Variants in IP6K2 observed in about 807,000 individuals in gnomAD.
IP6K2 encodes the protein ATP:1D-myo-inositol-hexakisphosphate phosphotransferase.
IP6K2 carries 9 observed loss-of-function variants against 43.3 expected under a neutral mutation model. The observed-to-expected ratio is 0.21, with a 90% CI of 0.13 to 0.36. IP6K2 has a LOEUF of 0.36. IP6K2 is among the 10% of genes least tolerant of loss of function. IP6K2 has a pLI of 1.00. For synonymous variants in IP6K2, 209 were observed against 202.4 expected (o/e 1.03, Z -0.28); for missense variants, 332 against 538.4 (o/e 0.62, Z 3.79).
intron 1 of IP6K2, among the ~76,000 whole-genome samples, chr3:48,713,435 C>G (rs993624073): frequency 2.0e-4 from 31 of 152,248 alleles, no homozygotes; most frequent in Non-Finnish European, 4.1e-4. Context: ...AACGTGGCAG[C>G]CTTCCACAAA....
intron 1 of IP6K2, among the ~76,000 whole-genome samples, chr3:48,708,975 G>A (rs563141601): frequency 3.3e-5 from 5 of 152,184 alleles, no homozygotes; most frequent in Non-Finnish European, 7.3e-5. Context: ...GGCAGAGGTG[G>A]AGGGATCACT....
chr3:48,713,022 CAAT>C (rs536976310), intron 1 of IP6K2, among the ~76,000 whole-genome samples: 6 of 152,010 alleles, frequency 3.9e-5, no homozygotes, highest in Non-Finnish European at 5.9e-5. Context: ...CCAAAAACAA[CAAT>C]AATAATAATA....
intron 1 of IP6K2, among the ~76,000 whole-genome samples, chr3:48,711,065 T>C (rs536687557): frequency 9.1e-4 from 139 of 152,196 alleles, no homozygotes; most frequent in Non-Finnish European, 1.6e-3. Flanking sequence ...CATGCCACCA[T>C]GTCGAGCTAA....
rs528600161 is a variant in IP6K2 at position 48,693,535 on chromosome 3, G to T, written c.203-356C>A. On this transcript the variant is annotated intron_variant, in intron 2 of 5. Transcript: ENST00000328631. Reference sequence around the variant, plus strand: ...AAACATTGCTCTTTATAGTTTGCGGGAATTTTTAATGCCCTAAACAGAAAC... The same window carrying T: ...AAACATTGCTCTTTATAGTTTGCGGTAATTTTTAATGCCCTAAACAGAAAC... 179 of 1,213,380 alleles carry T rather than the reference G, an allele frequency of 1.5e-4. 2 individuals carry two copies. The highest frequency in any genetic ancestry group is 1.4e-3 in the Middle Eastern group (4 of 2,864). 75.2% of individuals were successfully genotyped at this position (1,213,380 alleles called of 1,614,324 possible). A position where few individuals can be genotyped will look rare whatever the true frequency, so the allele number is the denominator to read the frequency against.
At chr3:48,691,159 A>G (rs1353713836) in intron 4 of IP6K2, 148 bp downstream of exon 4, 3 of 668,938 alleles carry the variant, frequency 4.5e-6, no homozygotes, top group Non-Finnish European at 7.8e-6. Flanking sequence ...ATTTGCCCAT[A>G]ATTATCATAC....
chr3:48,708,248 AAATAAT>A (rs967786099), intron 1 of IP6K2: 3 of 152,054 alleles, frequency 2.0e-5, no homozygotes, highest in Non-Finnish European at 2.9e-5. Flanking sequence ...CTGTCTCAAA[AAATAAT>A]AATAATAATA....
chr3:48,690,455 G>A (rs1015219074), intron 4 of IP6K2, among the ~76,000 whole-genome samples: 1 of 152,042 alleles, frequency 6.6e-6, no homozygotes, highest in Non-Finnish European at 1.5e-5. Context: ...GGGCAACACA[G>A]TGAGACCTTA....
intron 1 of IP6K2, among the ~76,000 whole-genome samples, chr3:48,708,423 G>A (rs1300353110): frequency 6.6e-6 from 1 of 151,694 alleles, no homozygotes; most frequent in Non-Finnish European, 1.5e-5. Context: ...TTGAGATGGG[G>A]GCTCACTATG....
At position 48,693,059 on chromosome 3, in the gene IP6K2, C is replaced by T. The variant is rs2077943342; in HGVS notation, c.323G>A (p.Ser108Asn). ...GTTTGTTGTCCACCTTAGGAGCTTA[C>T]TTTTTGGTTCACAGTCTGAATTATC... The part of the protein sequence containing the change: ...IVDNSDCEPK[S>N]KLLRWTTNKK... Residue 108 changes from serine to asparagine, a missense_variant, in exon 3 of 6, where the codon AGT becomes AAT. Transcript: ENST00000328631. The T allele has an allele frequency of 6.2e-7, 1 of 1,614,210 alleles. No homozygotes were observed. Among genetic ancestry groups the T allele is most frequent in the South Asian group, 1.1e-5 (1 of 91,086 alleles).
chr3:48,716,571 T>C (rs1008470573), intron 1 of IP6K2: 2 of 152,216 alleles, frequency 1.3e-5, no homozygotes, highest in African/African-American at 2.4e-5. Flanking sequence ...TGTCCTCTTA[T>C]CCATTTAAAG....
At chr3:48,694,996 G>C (rs1392671246) in intron 2 of IP6K2, 94 bp downstream of exon 2, 1 of 1,610,058 alleles carries the variant, frequency 6.2e-7, no homozygotes, top group Non-Finnish European at 8.5e-7. Context: ...GGGAGGGAGT[G>C]AGGGCTCCAG....
chr3:48,698,278 T>C (rs961572823), intron 1 of IP6K2, among the ~76,000 whole-genome samples: 1 of 152,186 alleles, frequency 6.6e-6, no homozygotes, highest in Non-Finnish European at 1.5e-5. Flanking sequence ...CGCCGACCAG[T>C]ACTAAAGCAC....
Position 48,695,408 on chromosome 3 carries a change from G to A in IP6K2, c.-117C>T. On this transcript the variant is annotated 5_prime_UTR_variant, in exon 2 of 6. Transcript: ENST00000328631. This position sits in a 1 kb window ranked among gnomAD's most constrained non-coding sequence, Gnocchi z 4.6. ...CGTCTTGGCTCCTTGGCTTGTTCTG[G>A]CCAGGATGCTCTGCTGGAAGCAAAC... is the stretch of plus-strand genomic sequence containing the variant. 1 of 1,442,410 alleles carries A rather than the reference G, an allele frequency of 6.9e-7. No individual in the cohort carries two copies. Among genetic ancestry groups the A allele is most frequent in the Non-Finnish European group, 9.1e-7 (1 of 1,096,392 alleles). 89.4% of individuals were successfully genotyped at this position (1,442,410 alleles called of 1,614,324 possible).
chr3:48,691,540 G>T, intron 3 of IP6K2, 58 bp from the exon 4 acceptor site: 2 of 1,334,410 alleles, frequency 1.5e-6, no homozygotes, highest in East Asian at 2.3e-5. Flanking sequence ...AGAAGGCCGG[G>T]CATGGTGGCT....
rs1200759723 is a variant in IP6K2 at position 48,688,199 on chromosome 3, G to A, written c.*74C>T. ...GCAGGAGCCACCACCTGGCCATACT[G>A]GCTTCCTCCCTGACGCAGCACAGCT... On this transcript the variant is annotated 3_prime_UTR_variant, in exon 6 of 6. Coordinates refer to ENST00000328631, the MANE Select transcript of IP6K2 (RefSeq NM_016291.4). The surrounding 1 kb of genome is among the most constrained non-coding windows in gnomAD (Gnocchi z 5.1). 2 of 1,541,414 alleles carry A rather than the reference G, an allele frequency of 1.3e-6. No individual in the cohort carries two copies. Among genetic ancestry groups the A allele is most frequent in the Non-Finnish European group, 1.8e-6 (2 of 1,130,234 alleles).
chr3:48,701,164 G>A (rs914040287), intron 1 of IP6K2, among the ~76,000 whole-genome samples: 2 of 152,154 alleles, frequency 1.3e-5, no homozygotes, highest in Non-Finnish European at 2.9e-5. Context: ...GAGGTCAGGA[G>A]TTTGAAACCA....
chr3:48,714,401 GTGT>G (rs2080934318), intron 1 of IP6K2, among the ~76,000 whole-genome samples: 1 of 151,656 alleles, frequency 6.6e-6, no homozygotes, highest in African/African-American at 2.4e-5. Context: ...GTGTGTGTGT[GTGT>G]TTTTTTGAGA....
rs867503694 is a variant in IP6K2 at position 48,709,849 on chromosome 3, T to A, written c.-131+7308A>T. 2.7e-5 allele frequency among the ~76,000 whole-genome samples: 4 copies of A among 145,516 alleles called. No individual in the cohort carries two copies. In the South Asian group the frequency reaches 6.4e-4, roughly 23 times the overall value. ...GAGACTCCATCTCAAAAAAAAAAAATTAATTAATTAAAAAAAAAAGACTGC... is the reference window on the plus strand; with the variant it reads ...GAGACTCCATCTCAAAAAAAAAAAAATAATTAATTAAAAAAAAAAGACTGC... On this transcript the variant is annotated intron_variant, in intron 1 of 5. Coordinates refer to ENST00000328631, the MANE Select transcript of IP6K2 (RefSeq NM_016291.4).
Position 48,688,548 on chromosome 3 carries a change from C to A in IP6K2, c.1006G>T (p.Asp336Tyr). The A allele has an allele frequency of 6.2e-7, 1 of 1,614,234 alleles. No homozygotes were observed. Among genetic ancestry groups the A allele is most frequent in the Non-Finnish European group, 8.5e-7 (1 of 1,180,046 alleles). The change falls in exon 6 of 6, where the codon GAT (aspartate) becomes TAT (tyrosine). Residue 336 changes from aspartate (D) to tyrosine (Y), a missense_variant. Coordinates refer to ENST00000328631, the MANE Select transcript of IP6K2 (RefSeq NM_016291.4). The surrounding 1 kb of genome is among the most constrained non-coding windows in gnomAD (Gnocchi z 5.1). ...FYSSSLLVIY[D>Y]GKERPEVVLD... is the part of the protein sequence containing the mutation. ...ACCACTTCGGGCCGCTCCTTGCCAT[C>A]ATAAATGACCAGCAGGGAGCTTGAG... is the stretch of plus-strand genomic sequence containing the variant.
Sources: allele counts gnomAD v4.1 joint callset (sites outside exome capture counted in the v4.1 genomes callset), GRCh38; gene constraint gnomAD v4.1.1; non-coding constraint Gnocchi (gnomAD v3.1); transcripts MANE v1.5; gene names NCBI Gene and HGNC (gene_info 2026-07-23, HGNC 2026-07-21).